ANK2: variants seen among roughly 807,000 people sequenced by gnomAD.
ANK2 encodes ankyrin 2, also known as ankyrin-2.
A neutral mutation model predicts 360.5 loss-of-function variants in ANK2; 83 were observed. That is an observed-to-expected ratio of 0.23 (90% CI 0.19 to 0.28). The LOEUF is 0.28. Among genes scored for constraint, ANK2 ranks in the 10% least tolerant of loss-of-function variants. ANK2 has a pLI of 1.00. For missense variants in ANK2, 4,201 were observed against 4,795.7 expected (o/e 0.88, Z 3.66); for synonymous variants, 1,740 against 1,759.5 (o/e 0.99, Z 0.28).
chr4:113,025,251 A>C (rs938094206), intron 2 of ANK2, among the ~76,000 whole-genome samples: 4 of 152,162 alleles, frequency 2.6e-5, no homozygotes, highest in Non-Finnish European at 5.9e-5. Flanking sequence ...ACAAGGTAAC[A>C]TGTACAAAAT....
chr4:113,376,804 T>G (rs994586865), intron 45 of ANK2, among the ~76,000 whole-genome samples: 1 of 121,380 alleles, frequency 8.2e-6, no homozygotes, highest in African/African-American at 5.8e-5. Flanking sequence ...TTTTTAAGGT[T>G]TTTTTTTTTT....
chr4:112,897,108 G>C (rs1311040991), intron 1 of ANK2, among the ~76,000 whole-genome samples: 1 of 152,094 alleles, frequency 6.6e-6, no homozygotes, highest in East Asian at 1.9e-4. Context: ...CTTTCTCTGA[G>C]CTTCTCTGAT....
intron 3 of ANK2, 25 bp downstream of exon 3, chr4:113,196,491 T>G (rs1358391162): frequency 1.3e-6 from 2 of 1,585,830 alleles, no homozygotes; most frequent in Non-Finnish European, 1.7e-6. Flanking sequence ...GGTAGAACAT[T>G]TTTTTCCTTA....
At chr4:112,879,497 AT>A (rs992041714) in intron 1 of ANK2, among the ~76,000 whole-genome samples, 2 of 152,094 alleles carry the variant, frequency 1.3e-5, no homozygotes, top group African/African-American at 4.8e-5. Flanking sequence ...CTATGTGTTG[AT>A]TCCTGACCCA....
chr4:112,992,864 C>G (rs145228061), intron 2 of ANK2, among the ~76,000 whole-genome samples: 1 of 152,310 alleles, frequency 6.6e-6, no homozygotes, highest in African/African-American at 2.4e-5. Flanking sequence ...ATGCTTATTT[C>G]TTAAAATTGA....
At chr4:112,802,263 C>G in the ANK2 span, among the ~76,000 whole-genome samples, 13 of 152,252 alleles carry the variant, frequency 8.5e-5, no homozygotes, top group East Asian at 1.2e-3. Flanking sequence ...AATTGCTGCT[C>G]TTCTTGCCAA....
At chr4:112,895,016 T>G (rs1269352328) in intron 1 of ANK2, among the ~76,000 whole-genome samples, 1 of 152,242 alleles carries the variant, frequency 6.6e-6, no homozygotes, top group African/African-American at 2.4e-5. Flanking sequence ...TGCTGGTGCA[T>G]TAGACACATT....
intron 2 of ANK2, among the ~76,000 whole-genome samples, chr4:112,993,920 C>G (rs2047692796): frequency 6.6e-6 from 1 of 152,102 alleles, no homozygotes; most frequent in African/African-American, 2.4e-5. Flanking sequence ...CTTGGCCAGG[C>G]TGGTCTTGAA....
the ANK2 span, chr4:112,797,623 C>A: frequency 6.1e-6 from 1 of 162,838 alleles, no homozygotes; most frequent in East Asian, 1.8e-4. Flanking sequence ...AGTTGTTCTC[C>A]CTGGTAATAT....
chr4:113,369,648 G>A lies in ANK2; in HGVS notation c.11453G>A (p.Ser3818Asn), dbSNP rs754056434. 31 of 1,613,980 alleles carry A rather than the reference G, an allele frequency of 1.9e-5. No homozygotes were observed. The highest frequency in any genetic ancestry group is 2.6e-5 in the Non-Finnish European group (31 of 1,180,020). Reference sequence around the variant, plus strand: ...CTGTACCTCCAGACCCCAACATCCAGCGAGCGGGGAGGCTCTCCCATCATA... The same window carrying A: ...CTGTACCTCCAGACCCCAACATCCAACGAGCGGGGAGGCTCTCCCATCATA... ...EKLYLQTPTS[S>N]ERGGSPIIQE... The change falls in exon 43 of 46, where the codon AGC (serine) becomes AAC (asparagine). Residue 3818 changes from serine to asparagine, a missense_variant. Coordinates refer to ENST00000357077, the MANE Select transcript of ANK2 (RefSeq NM_001148.6).
the ANK2 span, among the ~76,000 whole-genome samples, chr4:112,729,009 T>A: frequency 8.6e-5 from 13 of 151,920 alleles, no homozygotes; most frequent in African/African-American, 3.1e-4. Flanking sequence ...GAGTTGGAGA[T>A]CAACCTGGGC....
At chr4:113,104,911 G>A (rs1194241709) in intron 1 of ANK2, among the ~76,000 whole-genome samples, 1 of 152,062 alleles carries the variant, frequency 6.6e-6, no homozygotes, top group Non-Finnish European at 1.5e-5. Flanking sequence ...AGCCCTCCTG[G>A]AAGTATCTAG....
intron 26 of ANK2, among the ~76,000 whole-genome samples, chr4:113,328,537 A>G (rs528011822): frequency 6.6e-6 from 1 of 152,274 alleles, no homozygotes; most frequent in Non-Finnish European, 1.5e-5. Context: ...AAGACTAGTA[A>G]TAAGAAAAGT....
At chr4:112,977,002 G>A (rs1168649718) in intron 2 of ANK2, among the ~76,000 whole-genome samples, 1 of 152,154 alleles carries the variant, frequency 6.6e-6, no homozygotes, top group African/African-American at 2.4e-5. Flanking sequence ...ATTTAATTCA[G>A]AAGACTAGAA....
intron 1 of ANK2, among the ~76,000 whole-genome samples, chr4:113,136,036 GAGA>G (rs1375157489): frequency 2.0e-5 from 3 of 152,112 alleles, no homozygotes; most frequent in Non-Finnish European, 2.9e-5. Context: ...GAATATTTGT[GAGA>G]AGAATGAAAT....
chr4:113,293,472 T>C lies in ANK2; in HGVS notation c.2409T>C (p.Arg803=), dbSNP rs2069019738. The change falls in exon 22 of 46, where the codon CGT becomes CGC. Residue 803 remains arginine (R), a synonymous_variant. Transcript: ENST00000357077. ...ACACTGCCTTGGCGATTGCTAAGCG[T>C]CTGGGCTACATCTCCGTGGTCGACA... ...NGNTALAIAK[R]LGYISVVDTL... is the part of the protein sequence containing the mutation. The C allele has an allele frequency of 6.2e-7, 1 of 1,613,776 alleles. No homozygotes were observed. The highest frequency in any genetic ancestry group is 1.1e-5 in the South Asian group (1 of 91,046).
chr4:113,104,723 A>ACAG (rs929620390), intron 1 of ANK2, among the ~76,000 whole-genome samples: 64 of 20,080 alleles, frequency 3.2e-3, no homozygotes, highest in African/African-American at 7.6e-3. Flanking sequence ...TCAAAGCTAA[A>ACAG]CAACAACAAC....
At chr4:113,042,932 T>G (rs1427397315) in intron 2 of ANK2, among the ~76,000 whole-genome samples, 2 of 152,126 alleles carry the variant, frequency 1.3e-5, no homozygotes, top group Admixed American at 1.3e-4. Flanking sequence ...CCTTATCTCC[T>G]ACAGAGGGTG....
At chr4:113,016,314 G>A (rs181056985) in intron 2 of ANK2, among the ~76,000 whole-genome samples, 7 of 152,148 alleles carry the variant, frequency 4.6e-5, no homozygotes, top group South Asian at 2.1e-4. Flanking sequence ...AATCATTTGT[G>A]GACACTTTCA....
Sources: gnomAD v4.1 joint callset for allele counts (sites outside exome capture counted in the v4.1 genomes callset) on GRCh38, gnomAD v4.1.1 for gene constraint, MANE v1.5 for transcripts, NCBI Gene and HGNC (gene_info 2026-07-23, HGNC 2026-07-21) for gene names.